The following ZGRF1 variants were observed in gnomAD, a reference collection of about 807,000 sequenced individuals.
ZGRF1 encodes 5'-3' DNA helicase ZGRF1.
A neutral mutation model predicts 203.5 loss-of-function variants in ZGRF1; 196 were observed. The ratio of observed to expected loss-of-function variants is 0.96; its 90% CI spans 0.86 to 1.08. ZGRF1 has a LOEUF of 1.08. Among genes scored for constraint, ZGRF1 ranks in the 50% least tolerant of loss-of-function variants. The probability of loss-of-function intolerance (pLI) is 0.00; values close to 1 mark genes in which losing one functional copy is unlikely to be tolerated. For synonymous variants in ZGRF1, 809 were observed against 841.3 expected, an observed-to-expected ratio of 0.96 and a Z score of 0.66; for missense variants, 2,326 against 2,416.3, an observed-to-expected ratio of 0.96 and a Z score of 0.78.
intron 10 of ZGRF1, among the ~76,000 whole-genome samples, chr4:112,596,338 A>C (rs951034898): frequency 3.3e-5 from 5 of 152,208 alleles, no homozygotes; most frequent in Non-Finnish European, 7.3e-5. Flanking sequence ...TGCCCCAATA[A>C]CCATGGAAGG....
At chr4:112,624,266 A>G (rs2047158049) in intron 3 of ZGRF1, among the ~76,000 whole-genome samples, 1 of 152,150 alleles carries the variant, frequency 6.6e-6, no homozygotes, top group Admixed American at 6.5e-5. Context: ...CTGTAATCCC[A>G]GCATTTTCGG....
At chr4:112,635,880 G>A (rs1195881113) in intron 1 of ZGRF1, among the ~76,000 whole-genome samples, 1 of 151,412 alleles carries the variant, frequency 6.6e-6, no homozygotes, top group Non-Finnish European at 1.5e-5. Flanking sequence ...CCTAAATTGA[G>A]ATATTACTTC....
intron 13 of ZGRF1, among the ~76,000 whole-genome samples, chr4:112,586,039 A>G (rs541234940): frequency 2.0e-5 from 3 of 152,208 alleles, no homozygotes; most frequent in Admixed American, 6.5e-5. Flanking sequence ...CTAGGGGTTG[A>G]AGACCAGCCT....
intron 1 of ZGRF1, among the ~76,000 whole-genome samples, chr4:112,635,252 G>A (rs550863559): frequency 2.6e-5 from 4 of 151,522 alleles, no homozygotes; most frequent in African/African-American, 9.8e-5. Flanking sequence ...AAACACTCCT[G>A]GGCTAGATAT....
chr4:112,601,942 C>T (rs1400440305), intron 10 of ZGRF1, among the ~76,000 whole-genome samples: 3 of 152,094 alleles, frequency 2.0e-5, no homozygotes, highest in South Asian at 2.1e-4. Context: ...TGGTGGCTCA[C>T]GCCTGTAATC....
At chr4:112,629,688 A>C (rs2047346229) in intron 3 of ZGRF1, 4 of 152,592 alleles carry the variant, frequency 2.6e-5, no homozygotes. Context: ...ACAAACAAAA[A>C]AAAACTAATA....
In ZGRF1 at chr4:112,618,082, C is replaced by T; in HGVS notation, c.1960G>A (p.Val654Ile). The change falls in exon 6 of 28, where the codon GTA becomes ATA. Residue 654 changes from valine (V) to isoleucine (I), a missense_variant. Val to Ile is a conservative substitution (Grantham distance 29, BLOSUM62 3). Coordinates refer to ENST00000505019, the MANE Select transcript of ZGRF1 (RefSeq NM_018392.5). ...GCATCTTCTTTATTATCTCCGTATA[C>T]AGCATCAGTCCACTTGAAAGATTCA... ...NFESFKWTDA[V>I]YGDNKEDANK... 1 of 1,613,920 alleles carries T rather than the reference C, an allele frequency of 6.2e-7. No homozygotes were observed.
intron 4 of ZGRF1, among the ~76,000 whole-genome samples, chr4:112,620,461 C>T (rs959571786): frequency 2.0e-5 from 3 of 152,196 alleles, no homozygotes; most frequent in African/African-American, 2.4e-5. Flanking sequence ...CACCCGTAAT[C>T]GCAAGACTTT....
At chr4:112,622,921 A>G (rs1246608223) in intron 4 of ZGRF1, among the ~76,000 whole-genome samples, 1 of 152,114 alleles carries the variant, frequency 6.6e-6, no homozygotes, top group Non-Finnish European at 1.5e-5. Flanking sequence ...TTCATCACCC[A>G]AGTATTAAGT....
At chr4:112,571,343 C>T (rs1049070673) in intron 16 of ZGRF1, among the ~76,000 whole-genome samples, 7 of 151,926 alleles carry the variant, frequency 4.6e-5, no homozygotes, top group African/African-American at 7.3e-5. Flanking sequence ...GTCAGTTCTT[C>T]GAAAACAATA....
At chr4:112,551,492 G>A (rs1420837357) in intron 22 of ZGRF1, among the ~76,000 whole-genome samples, 2 of 152,144 alleles carry the variant, frequency 1.3e-5, no homozygotes, top group East Asian at 3.9e-4. Context: ...TGCCTCCACA[G>A]ATCCTACAAA....
chr4:112,574,298 A>G (rs1014216841), intron 16 of ZGRF1, among the ~76,000 whole-genome samples: 6 of 152,244 alleles, frequency 3.9e-5, no homozygotes, highest in African/African-American at 1.4e-4. Context: ...TAGACTCTAG[A>G]TTTGAGAACA....
At chr4:112,633,273 C>T (rs991062907) in intron 1 of ZGRF1, 31 bp from the exon 2 acceptor site, 2 of 996,634 alleles carry the variant, frequency 2.0e-6, no homozygotes, top group Non-Finnish European at 1.5e-6. Context: ...AAATTTCAAC[C>T]CTGATTTTTA....
chr4:112,548,806 G>A (rs867454026), intron 22 of ZGRF1, among the ~76,000 whole-genome samples: 6 of 151,834 alleles, frequency 4.0e-5, no homozygotes, highest in Middle Eastern at 3.4e-3. Context: ...AAGCACATTA[G>A]TTTTATTTAT....
intron 16 of ZGRF1, among the ~76,000 whole-genome samples, chr4:112,566,657 A>G (rs1012960745): frequency 1.3e-5 from 2 of 152,100 alleles, no homozygotes; most frequent in Admixed American, 6.6e-5. Flanking sequence ...CTGAATTAGT[A>G]TGATTGTTGG....
chr4:112,545,565 A>G (rs1281010172), intron 24 of ZGRF1, among the ~76,000 whole-genome samples: 4 of 152,278 alleles, frequency 2.6e-5, no homozygotes, highest in Admixed American at 6.5e-5. Flanking sequence ...TATAGAAAAA[A>G]GTTTGGTGGT....
chr4:112,592,261 C>T (rs796768978), intron 10 of ZGRF1, among the ~76,000 whole-genome samples: 1 of 151,970 alleles, frequency 6.6e-6, no homozygotes, highest in African/African-American at 2.4e-5. Context: ...CCACCCCAGG[C>T]TAATTTTTGT....
rs778618537 is a variant in ZGRF1, at chr4:112,586,580, TCTC to T, written c.3778_3780del (p.Glu1260del). On this transcript the variant is annotated inframe_deletion and splice_region_variant, in exon 13 of 28. Coordinates refer to ENST00000505019, the MANE Select transcript of ZGRF1 (RefSeq NM_018392.5). The stretch of plus-strand genomic sequence containing the variant: ...GGAAAGCACAGCTCAGAGCCACTTA[TCTC>T]CTGCAATGGAATAATTCAAGTTATC... 1.1e-5 allele frequency: 18 copies of T among 1,601,974 alleles called. No homozygotes were observed. Among genetic ancestry groups the T allele is most frequent in the Non-Finnish European group, 1.4e-5 (17 of 1,173,160 alleles).
At chr4:112,548,190 C>T in intron 23 of ZGRF1, 63 bp downstream of exon 23, 1 of 1,477,798 alleles carries the variant, frequency 6.8e-7, no homozygotes, top group Non-Finnish European at 9.2e-7. Context: ...ATCCACCTGC[C>T]TCAGCCTCCT....
Sources: allele counts gnomAD v4.1 joint callset (sites outside exome capture counted in the v4.1 genomes callset), GRCh38; gene constraint gnomAD v4.1.1; transcripts MANE v1.5; gene names NCBI Gene and HGNC (gene_info 2026-07-23, HGNC 2026-07-21).